The following RCC1 variants were observed in gnomAD, a reference collection of about 807,000 sequenced individuals.
RCC1 encodes regulator of chromosome condensation.
Under a neutral mutation model 44.4 loss-of-function variants are expected in RCC1, and 11 were observed. That is an observed-to-expected ratio of 0.25 (90% CI 0.16 to 0.41). The LOEUF (loss-of-function observed/expected upper bound fraction) is 0.41, where lower values mean the gene tolerates loss of function less well. Among genes scored for constraint, RCC1 ranks in the 10% least tolerant of loss-of-function variants. The pLI, the probability that RCC1 is intolerant of heterozygous loss-of-function variation, is 1.00. For synonymous variants in RCC1, 213 were observed against 216.5 expected (o/e 0.98, Z 0.14); for missense variants, 386 against 547.1 (o/e 0.71, Z 2.94).
chr1:28,534,831 G>C (rs1664440203), intron 7 of RCC1, among the ~76,000 whole-genome samples: 1 of 152,212 alleles, frequency 6.6e-6, no homozygotes, highest in Non-Finnish European at 1.5e-5. Flanking sequence ...TTATCAGCTT[G>C]TGGCCAGACT....
chr1:28,538,058 C>A lies in RCC1; in HGVS notation c.*51C>A. The stretch of plus-strand genomic sequence containing the variant: ...GTCCTGCACAACCTCCCTCACAGAA[C>A]AGGGAAGCAGTGACAGCTGCAGATG... On this transcript the variant is annotated 3_prime_UTR_variant, in exon 13 of 13. Coordinates refer to ENST00000683442, the MANE Select transcript of RCC1 (RefSeq NM_001381865.2). 6.4e-7 allele frequency: 1 copy of A among 1,551,778 alleles called. No homozygotes were observed.
At chr1:28,528,031 T>C (rs1029600156) in intron 4 of RCC1, among the ~76,000 whole-genome samples, 16 of 139,292 alleles carry the variant, frequency 1.1e-4, no homozygotes, top group African/African-American at 4.2e-4. Flanking sequence ...AAAAAAAACA[T>C]GTAATCGGCT....
rs767785666 is a variant in RCC1 at position 28,532,354 on chromosome 1, A to C, written c.441+4A>C. The C allele has an allele frequency of 6.2e-7, 1 of 1,613,768 alleles. No homozygotes were observed. Among genetic ancestry groups the C allele is most frequent in the East Asian group, 2.2e-5 (1 of 44,880 alleles). The stretch of plus-strand genomic sequence containing the variant: ...CTTCCTCTGGGGCTCCTTCCGGGTA[A>C]GGCTGGGTCTGAAAGTCTGCATGGT... On this transcript the variant is annotated splice_donor_region_variant and intron_variant, in intron 7 of 12. Coordinates refer to ENST00000683442, the MANE Select transcript of RCC1 (RefSeq NM_001381865.2).
chr1:28,528,830 G>A (rs1372602753), intron 4 of RCC1, among the ~76,000 whole-genome samples: 1 of 146,752 alleles, frequency 6.8e-6, no homozygotes. Context: ...ATGGATGATA[G>A]GCTGTTTTTC....
chr1:28,535,919 G>C lies in RCC1; in HGVS notation c.710G>C (p.Arg237Pro). Residue 237 changes from arginine (R) to proline (P), a missense_variant, in exon 10 of 13, where the codon CGG becomes CCG. Physicochemically the swap from Arg to Pro is moderately radical, Grantham distance 103. Transcript: ENST00000683442. ...GTGATGCTGAAATCCAGGGGAAGCC[G>C]GGGCCACGTGAGATTCCAGGATGCC... ...KCVMLKSRGS[R>P]GHVRFQDAFC... 1 of 1,614,046 alleles carries C rather than the reference G, an allele frequency of 6.2e-7. No individual in the cohort carries two copies. The highest frequency in any genetic ancestry group is 8.5e-7 in the Non-Finnish European group (1 of 1,179,968).
rs1324019659 is a variant in RCC1, at chr1:28,535,287, G to A, written c.568G>A (p.Asp190Asn). The change falls in exon 9 of 13, where the codon GAT becomes AAT. Residue 190 changes from aspartate to asparagine, a missense_variant. By Grantham distance (23) the Asp-to-Asn change is conservative (BLOSUM62 1). Coordinates refer to ENST00000683442, the MANE Select transcript of RCC1 (RefSeq NM_001381865.2). Reference sequence around the variant, plus strand: ...CGACCACTTGGTGATGCTGACAGCTGATGGTGACCTCTACACCTTGGGCTG... The same window carrying A: ...CGACCACTTGGTGATGCTGACAGCTAATGGTGACCTCTACACCTTGGGCTG... ...GNDHLVMLTA[D>N]GDLYTLGCGE... 5.0e-6 allele frequency: 8 copies of A among 1,614,196 alleles called. No individual in the cohort carries two copies. In the South Asian group the frequency reaches 6.6e-5, roughly 13 times the overall value.
intron 4 of RCC1, among the ~76,000 whole-genome samples, chr1:28,528,588 T>C (rs548570171): frequency 1.8e-4 from 27 of 152,128 alleles, no homozygotes; most frequent in African/African-American, 5.8e-4. Flanking sequence ...AGATCATGCC[T>C]GTGCGCTCCA....
chr1:28,510,650 C>G (rs1662466574), intron 3 of RCC1: 1 of 152,184 alleles, frequency 6.6e-6, no homozygotes, highest in African/African-American at 2.4e-5. Flanking sequence ...CTGTGCCAGG[C>G]ACTGTTCTAG....
At chr1:28,533,039 C>T (rs1664276793) in intron 7 of RCC1, among the ~76,000 whole-genome samples, 1 of 152,016 alleles carries the variant, frequency 6.6e-6, no homozygotes, top group South Asian at 2.1e-4. Flanking sequence ...GTCTCGAACT[C>T]CCGACCCCAG....
chr1:28,515,307 G>A (rs910033767), intron 3 of RCC1, among the ~76,000 whole-genome samples: 7 of 151,748 alleles, frequency 4.6e-5, no homozygotes, highest in African/African-American at 1.5e-4. Flanking sequence ...AAAATTAGCT[G>A]GGCATGGTGG....
intron 4 of RCC1, among the ~76,000 whole-genome samples, chr1:28,523,905 T>C (rs539137191): frequency 2.0e-5 from 3 of 152,226 alleles, no homozygotes; most frequent in Admixed American, 2.0e-4. Flanking sequence ...CAACCTCCAC[T>C]TCCTGGGTTC....
chr1:28,526,572 A>G (rs1663676422), intron 4 of RCC1: 3 of 571,984 alleles, frequency 5.2e-6, no homozygotes, highest in Non-Finnish European at 9.9e-6. Flanking sequence ...ACTAGAAGCA[A>G]CAATTTCTGT....
intron 3 of RCC1, among the ~76,000 whole-genome samples, chr1:28,513,294 A>G (rs1662675555): frequency 6.6e-6 from 1 of 152,068 alleles, no homozygotes; most frequent in Non-Finnish European, 1.5e-5. Flanking sequence ...TCCCAGGTTC[A>G]AGCAATTTTC....
At chr1:28,534,286 T>C (rs1336891150) in intron 7 of RCC1, among the ~76,000 whole-genome samples, 1 of 152,120 alleles carries the variant, frequency 6.6e-6, no homozygotes. Context: ...ATTCACGCCA[T>C]TCTCCTGCCT....
At chr1:28,518,400 A>G (rs1663033647) in intron 4 of RCC1, 1 of 151,752 alleles carries the variant, frequency 6.6e-6, no homozygotes. Flanking sequence ...ACGCGGGCCT[A>G]AGTCGCTGCC....
intron 4 of RCC1, chr1:28,527,282 C>A: frequency 1.6e-6 from 1 of 621,236 alleles, no homozygotes; most frequent in Non-Finnish European, 2.9e-6. Flanking sequence ...CTCTTTCGCC[C>A]AGGCTAAAGT....
In RCC1 at chr1:28,538,010, A is replaced by T; in HGVS notation, c.*3A>T. 6.2e-7 allele frequency: 1 copy of T among 1,612,132 alleles called. No homozygotes were observed. Among genetic ancestry groups the T allele is most frequent in the Non-Finnish European group, 8.5e-7 (1 of 1,179,196 alleles). On this transcript the variant is annotated 3_prime_UTR_variant, in exon 13 of 13. Transcript: ENST00000683442. The stretch of plus-strand genomic sequence containing the variant: ...TCAAGGACAAAGAACAGAGCTGATG[A>T]AGCCTCTGAGGGCCTGGCTTCTGTC...
At chr1:28,530,177 C>G (rs1333628351) in intron 5 of RCC1, among the ~76,000 whole-genome samples, 1 of 139,472 alleles carries the variant, frequency 7.2e-6, no homozygotes, top group African/African-American at 2.6e-5. Flanking sequence ...AAAAAAAAAA[C>G]TAGACCCTAG....
chr1:28,514,268 G>T (rs1662741350), intron 3 of RCC1, among the ~76,000 whole-genome samples: 1 of 151,368 alleles, frequency 6.6e-6, no homozygotes, highest in Admixed American at 6.6e-5. Flanking sequence ...GGCTAACACG[G>T]TGAAACCCCA....
Sources: gnomAD v4.1 joint callset for allele counts (sites outside exome capture counted in the v4.1 genomes callset) on GRCh38, gnomAD v4.1.1 for gene constraint, MANE v1.5 for transcripts, NCBI Gene and HGNC (gene_info 2026-07-23, HGNC 2026-07-21) for gene names.